The following LINGO2 variants were observed in gnomAD, a reference collection of about 807,000 sequenced individuals.
The protein encoded by LINGO2 is leucine rich repeat and Ig domain containing 2.
In LINGO2, 14 loss-of-function variants were observed where a neutral mutation model predicts 30.6. The ratio of observed to expected loss-of-function variants is 0.46; its 90% confidence interval spans 0.30 to 0.72. The LOEUF (loss-of-function observed/expected upper bound fraction) is 0.72, where lower values mean the gene tolerates loss of function less well. LINGO2 is among the 30% of genes least tolerant of loss of function. The probability of loss-of-function intolerance (pLI) is 0.07; values close to 1 mark genes in which losing one functional copy is unlikely to be tolerated. For synonymous variants in LINGO2, 317 were observed against 288.5 expected, an observed-to-expected ratio of 1.10 and a Z score of -1.00; for missense variants, 729 against 751.7, an observed-to-expected ratio of 0.97 and a Z score of 0.35.
chr9:28,022,731 T>A (rs1823192127), intron 4 of LINGO2, among the ~76,000 whole-genome samples: 1 of 152,062 alleles, frequency 6.6e-6, no homozygotes. Context: ...TGTGGTTTAG[T>A]ATCTGTCATT....
the LINGO2 span, among the ~76,000 whole-genome samples, chr9:28,764,120 T>C: frequency 6.8e-6 from 1 of 147,916 alleles, no homozygotes; most frequent in Non-Finnish European, 1.5e-5. Context: ...ATACCAATTC[T>C]TGAACTCTTT....
intron 4 of LINGO2, among the ~76,000 whole-genome samples, chr9:28,038,185 A>C (rs1380741389): frequency 6.6e-6 from 1 of 152,096 alleles, no homozygotes; most frequent in Non-Finnish European, 1.5e-5. Context: ...AACATTTGTA[A>C]TGGATTTAAT....
At chr9:28,592,637 T>C (rs1476841718) in intron 1 of LINGO2, among the ~76,000 whole-genome samples, 1 of 152,068 alleles carries the variant, frequency 6.6e-6, no homozygotes, top group African/African-American at 2.4e-5. Flanking sequence ...ATGTCCATGG[T>C]TGAACCAATC....
intron 2 of LINGO2, among the ~76,000 whole-genome samples, chr9:28,463,245 G>T (rs559517639): frequency 1.3e-5 from 2 of 152,090 alleles, no homozygotes; most frequent in East Asian, 3.9e-4. Flanking sequence ...TTGTATAGGA[G>T]AGCTTAGCCA....
At chr9:28,927,577 C>T in the LINGO2 span, among the ~76,000 whole-genome samples, 1 of 152,144 alleles carries the variant, frequency 6.6e-6, no homozygotes, top group East Asian at 1.9e-4. Context: ...GAAATAAATT[C>T]TTACCCCTCA....
intron 4 of LINGO2, among the ~76,000 whole-genome samples, chr9:28,166,733 C>CT (rs141759711): frequency 0.023 from 3,406 of 148,530 alleles, 126 homozygotes; most frequent in African/African-American, 0.079. Flanking sequence ...ATGATATTTC[C>CT]TTTTTTTTTT....
At chr9:28,320,581 T>C (rs1451278226) in intron 3 of LINGO2, among the ~76,000 whole-genome samples, 1 of 152,128 alleles carries the variant, frequency 6.6e-6, no homozygotes, top group East Asian at 1.9e-4. Context: ...ACTTAGGCAA[T>C]ATGTTCTAGG....
intron 1 of LINGO2, among the ~76,000 whole-genome samples, chr9:28,524,532 A>G (rs1290058225): frequency 1.3e-5 from 2 of 151,696 alleles, no homozygotes; most frequent in African/African-American, 4.8e-5. Flanking sequence ...AGGCCGGGGG[A>G]TCACAAGGTC....
the LINGO2 span, among the ~76,000 whole-genome samples, chr9:28,925,857 C>G: frequency 6.6e-6 from 1 of 152,164 alleles, no homozygotes; most frequent in South Asian, 2.1e-4. Context: ...AAAACTCTTT[C>G]ACTTACAAGC....
At chr9:28,212,731 T>G (rs1033958895) in intron 4 of LINGO2, among the ~76,000 whole-genome samples, 4 of 151,326 alleles carry the variant, frequency 2.6e-5, no homozygotes, top group Admixed American at 1.3e-4. Context: ...AATCAAACCC[T>G]CAGTCACACT....
the LINGO2 span, among the ~76,000 whole-genome samples, chr9:28,699,389 T>G: frequency 1.3e-5 from 2 of 152,074 alleles, no homozygotes; most frequent in Admixed American, 6.6e-5. Flanking sequence ...ACAATACTCT[T>G]ATAATTTCTT....
chr9:28,595,932 G>T (rs1174476530), intron 1 of LINGO2, among the ~76,000 whole-genome samples: 3 of 152,092 alleles, frequency 2.0e-5, no homozygotes, highest in African/African-American at 4.8e-5. Context: ...TTGCATAAAG[G>T]TAAAACACAT....
the LINGO2 span, among the ~76,000 whole-genome samples, chr9:28,979,472 G>C: frequency 6.7e-6 from 1 of 150,258 alleles, no homozygotes; most frequent in Non-Finnish European, 1.5e-5. Flanking sequence ...CACATATATA[G>C]GAATATATGT....
At chr9:28,426,814 G>A (rs1483038547) in intron 2 of LINGO2, among the ~76,000 whole-genome samples, 1 of 151,916 alleles carries the variant, frequency 6.6e-6, no homozygotes, top group African/African-American at 2.4e-5. Flanking sequence ...TGTTTTTAGA[G>A]TGAGAACACA....
intron 3 of LINGO2, among the ~76,000 whole-genome samples, chr9:28,346,866 T>A (rs114734436): frequency 0.013 from 2,046 of 152,202 alleles, 37 homozygotes; most frequent in African/African-American, 0.047. Context: ...GTCCTTTGTA[T>A]ACTTTTTAAT....
chr9:29,050,172 C>G, the LINGO2 span, among the ~76,000 whole-genome samples: 1 of 151,968 alleles, frequency 6.6e-6, no homozygotes, highest in Non-Finnish European at 1.5e-5. Flanking sequence ...ATTACAGGTA[C>G]GCACCACCAG....
intron 1 of LINGO2, among the ~76,000 whole-genome samples, chr9:28,518,722 AAAGTATAT>A (rs908208743): frequency 5.3e-5 from 8 of 152,224 alleles, no homozygotes; most frequent in East Asian, 1.9e-4. Flanking sequence ...CAAACTGGAC[AAAGTATAT>A]AAGTATATAA....
At chr9:28,893,952 C>G in the LINGO2 span, among the ~76,000 whole-genome samples, 1 of 150,138 alleles carries the variant, frequency 6.7e-6, no homozygotes, top group Non-Finnish European at 1.5e-5. Flanking sequence ...CTTCCTGTGT[C>G]CATGTGTTCT....
chr9:28,151,147 A>C (rs1827988871), intron 4 of LINGO2, among the ~76,000 whole-genome samples: 1 of 152,230 alleles, frequency 6.6e-6, no homozygotes, highest in Admixed American at 6.5e-5. Flanking sequence ...AACCTAAATA[A>C]GACCCAACAG....
Sources: gnomAD v4.1 joint callset for allele counts (sites outside exome capture counted in the v4.1 genomes callset) on GRCh38, gnomAD v4.1.1 for gene constraint, MANE v1.5 for transcripts, NCBI Gene and HGNC (gene_info 2026-07-23, HGNC 2026-07-21) for gene names.